CNTN5: variants seen among roughly 807,000 people sequenced by gnomAD.
The protein encoded by CNTN5 is contactin-5.
A neutral mutation model predicts 129.1 loss-of-function variants in CNTN5; 77 were observed. That is an observed-to-expected ratio of 0.60 (90% confidence interval 0.50 to 0.72). The LOEUF is 0.72. CNTN5 is among the 30% of genes least tolerant of loss of function. The pLI is 0.00. For synonymous variants in CNTN5, 509 were observed against 465.6 expected (o/e 1.09, Z -1.20); for missense variants, 1,478 against 1,328.8 (o/e 1.11, Z -1.75).
chr11:100,142,398 A>G (rs1946723857), intron 13 of CNTN5, among the ~76,000 whole-genome samples: 2 of 152,092 alleles, frequency 1.3e-5, no homozygotes, highest in African/African-American at 2.4e-5. Flanking sequence ...TCTCTGGAGA[A>G]CTCTGACTAA....
At chr11:99,642,206 A>C (rs1044819781) in intron 3 of CNTN5, among the ~76,000 whole-genome samples, 1 of 152,202 alleles carries the variant, frequency 6.6e-6, no homozygotes, top group African/African-American at 2.4e-5. Context: ...AAATGGCATG[A>C]ATACAGAAAA....
rs568286654 is a variant in CNTN5 at position 99,976,449 on chromosome 11, A to G, written c.877+19440A>G. 8.8e-4 allele frequency among the ~76,000 whole-genome samples: 134 copies of G among 152,252 alleles called. 1 individual carries two copies. Among genetic ancestry groups the G allele is most frequent in the African/African-American group, 2.8e-3 (117 of 41,568 alleles). ...TTGCATTGCCCAGTAGAGATGTTCTATGAGGTCTCCACCCCTGCGTCAGAC... is the reference window on the plus strand; with the variant it reads ...TTGCATTGCCCAGTAGAGATGTTCTGTGAGGTCTCCACCCCTGCGTCAGAC... On this transcript the variant is annotated intron_variant, in intron 8 of 24. Coordinates refer to ENST00000524871, the MANE Select transcript of CNTN5 (RefSeq NM_014361.4).
At chr11:99,995,586 CT>C (rs1407150398) in intron 8 of CNTN5, among the ~76,000 whole-genome samples, 1 of 151,996 alleles carries the variant, frequency 6.6e-6, no homozygotes, top group Admixed American at 6.6e-5. Flanking sequence ...ATTTCTTCTT[CT>C]TTCCTCTCAT....
At chr11:100,117,203 C>T (rs1035122792) in intron 13 of CNTN5, among the ~76,000 whole-genome samples, 5 of 151,960 alleles carry the variant, frequency 3.3e-5, no homozygotes, top group South Asian at 2.1e-4. Flanking sequence ...AATCACTCTA[C>T]GTACCATCAC....
intron 13 of CNTN5, among the ~76,000 whole-genome samples, chr11:100,143,454 G>A (rs1046330987): frequency 1.3e-5 from 2 of 152,010 alleles, no homozygotes; most frequent in Admixed American, 1.3e-4. Context: ...GACTCGCTGG[G>A]CAAAACCTAG....
At chr11:99,587,212 A>C (rs1591322172) in intron 3 of CNTN5, among the ~76,000 whole-genome samples, 1 of 152,208 alleles carries the variant, frequency 6.6e-6, no homozygotes, top group East Asian at 1.9e-4. Flanking sequence ...CAGAGAGAGA[A>C]GCGGCTATAG....
At chr11:100,069,458 G>A (rs1291164675) in intron 10 of CNTN5, among the ~76,000 whole-genome samples, 6 of 152,188 alleles carry the variant, frequency 3.9e-5, no homozygotes, top group South Asian at 2.1e-4. Flanking sequence ...CAGGTCCAAC[G>A]TGCAGTTGTT....
At chr11:99,945,729 C>T (rs1208561950) in intron 7 of CNTN5, among the ~76,000 whole-genome samples, 1 of 151,908 alleles carries the variant, frequency 6.6e-6, no homozygotes, top group African/African-American at 2.4e-5. Flanking sequence ...TATTCAAGCA[C>T]GTTTTTGCAT....
At chr11:99,812,344 C>A (rs772602255) in intron 3 of CNTN5, among the ~76,000 whole-genome samples, 1 of 151,844 alleles carries the variant, frequency 6.6e-6, no homozygotes, top group East Asian at 1.9e-4. Context: ...TATGACAATT[C>A]GGTATTCATA....
chr11:100,193,565 A>C lies in CNTN5; in HGVS notation c.1786A>C (p.Ile596Leu). Residue 596 changes from isoleucine (I) to leucine (L), a missense_variant, in exon 15 of 25, where the codon ATT becomes CTT. Ile to Leu is a conservative substitution (Grantham distance 5). Transcript: ENST00000524871. ...AAGCATTGTCCTTAATTGCAAAGCA[A>C]TTCACGATGCTAGTTTGGATGTCAC... is the stretch of plus-strand genomic sequence containing the variant. ...GESIVLNCKA[I>L]HDASLDVTFY... 1 of 1,611,890 alleles carries C rather than the reference A, an allele frequency of 6.2e-7. No individual in the cohort carries two copies. Among genetic ancestry groups the C allele is most frequent in the Non-Finnish European group, 8.5e-7 (1 of 1,178,690 alleles).
chr11:99,939,006 C>G (rs1029101804), intron 7 of CNTN5, among the ~76,000 whole-genome samples: 3 of 152,108 alleles, frequency 2.0e-5, no homozygotes, highest in Middle Eastern at 3.4e-3. Flanking sequence ...AACACTGAAA[C>G]TTGTATAGGT....
chr11:100,321,207 A>G (rs899616431), intron 21 of CNTN5, among the ~76,000 whole-genome samples: 1 of 150,318 alleles, frequency 6.7e-6, no homozygotes, highest in Non-Finnish European at 1.5e-5. Context: ...CCATTTATTT[A>G]TGTCTTCTTT....
intron 1 of CNTN5, among the ~76,000 whole-genome samples, chr11:99,209,392 G>A (rs1859650395): frequency 6.6e-6 from 1 of 152,112 alleles, no homozygotes; most frequent in Non-Finnish European, 1.5e-5. Context: ...GGAAGGCAAA[G>A]GGGGAGTAGC....
At chr11:99,266,491 A>T (rs919424578) in intron 1 of CNTN5, among the ~76,000 whole-genome samples, 1 of 152,006 alleles carries the variant, frequency 6.6e-6, no homozygotes, top group East Asian at 1.9e-4. Context: ...ATTTCTAGCT[A>T]CTTTGGAGGC....
chr11:99,404,391 T>G (rs11219777), intron 2 of CNTN5, among the ~76,000 whole-genome samples: 2 of 151,068 alleles, frequency 1.3e-5, no homozygotes, highest in Non-Finnish European at 3.0e-5. Flanking sequence ...CAATTTTGTT[T>G]TTTGTTTTCT....
chr11:99,058,085 G>A (rs1483199228), intron 1 of CNTN5, among the ~76,000 whole-genome samples: 1 of 151,920 alleles, frequency 6.6e-6, no homozygotes, highest in East Asian at 1.9e-4. Flanking sequence ...GTGGTTTGGG[G>A]TAATTGAAGG....
intron 3 of CNTN5, among the ~76,000 whole-genome samples, chr11:99,707,635 T>G (rs1016269957): frequency 1.3e-5 from 2 of 151,672 alleles, no homozygotes; most frequent in Admixed American, 1.3e-4. Flanking sequence ...CAAATTTACA[T>G]TTGGCTTTGT....
intron 2 of CNTN5, among the ~76,000 whole-genome samples, chr11:99,530,672 A>G (rs1947665799): frequency 6.6e-6 from 1 of 152,212 alleles, no homozygotes; most frequent in Middle Eastern, 3.2e-3. Context: ...GAAGGACCCA[A>G]GAGGAGGTAA....
In CNTN5 at chr11:100,350,889, G is replaced by C; in HGVS notation, c.3199+19G>C. ...TATTCAGGTAAGTTTTGACACAGTA[G>C]ATTTAATTTGCTGACAACCAACAAT... On this transcript the variant is annotated intron_variant, in intron 24 of 24. Coordinates refer to ENST00000524871, the MANE Select transcript of CNTN5 (RefSeq NM_014361.4). 6.6e-7 allele frequency: 1 copy of C among 1,520,272 alleles called. No homozygotes were observed. The highest frequency in any genetic ancestry group is 2.3e-5 in the East Asian group (1 of 42,832). 94.2% of individuals were successfully genotyped at this position (1,520,272 alleles called of 1,614,324 possible).
Sources: allele counts gnomAD v4.1 joint callset (sites outside exome capture counted in the v4.1 genomes callset), GRCh38; gene constraint gnomAD v4.1.1; transcripts MANE v1.5; gene names NCBI Gene and HGNC (gene_info 2026-07-23, HGNC 2026-07-21).